The following AXDND1 variants were observed in gnomAD, a reference collection of about 807,000 sequenced individuals.
The protein encoded by AXDND1 is axonemal dynein light chain domain containing 1.
AXDND1 carries 110 observed loss-of-function variants against 137.5 expected under a neutral mutation model. That is an observed-to-expected ratio of 0.80 (90% confidence interval 0.69 to 0.94). The LOEUF (loss-of-function observed/expected upper bound fraction) is 0.94, where lower values mean the gene tolerates loss of function less well. AXDND1 is among the 40% of genes least tolerant of loss of function. The pLI is 0.00. For synonymous variants in AXDND1, 414 were observed against 399.7 expected, an observed-to-expected ratio of 1.04 and a Z score of -0.43; for missense variants, 1,191 against 1,169.8, an observed-to-expected ratio of 1.02 and a Z score of -0.26.
intron 6 of AXDND1, 75 bp from the exon 7 acceptor site, chr1:179,382,625 G>T: frequency 2.0e-6 from 2 of 1,008,392 alleles, no homozygotes; most frequent in Non-Finnish European, 3.1e-6. Flanking sequence ...AAGATTCTGG[G>T]GGTTAGTTGT....
intron 11 of AXDND1, among the ~76,000 whole-genome samples, chr1:179,400,747 C>CAA (rs71111987): frequency 2.0e-5 from 3 of 148,288 alleles, no homozygotes; most frequent in Admixed American, 6.7e-5. Flanking sequence ...ACTGAAAATA[C>CAA]AAAAAAAATT....
intron 1 of AXDND1, 79 bp from the exon 2 acceptor site, chr1:179,366,325 T>TA (rs1667392579): frequency 3.9e-6 from 2 of 510,838 alleles, no homozygotes; most frequent in African/African-American, 3.9e-5. Flanking sequence ...AGATGAATTC[T>TA]AAACTGCGAT....
Position 179,483,205 on chromosome 1 carries a change from T to C in AXDND1, c.2075T>C (p.Ile692Thr), listed in dbSNP as rs775634713. ...GGCAATGAAATTAACAACGGTAACATTGAACTTCAGCACCACGTATGTACT... is the reference window on the plus strand; with the variant it reads ...GGCAATGAAATTAACAACGGTAACACTGAACTTCAGCACCACGTATGTACT... ...KIGNEINNGN[I>T]ELQHHMDELH... The change falls in exon 18 of 26, where the codon ATT (isoleucine) becomes ACT (threonine). Residue 692 changes from isoleucine to threonine, a missense_variant. Coordinates refer to ENST00000367618, the MANE Select transcript of AXDND1 (RefSeq NM_144696.6). 15 of 1,609,212 alleles carry C rather than the reference T, an allele frequency of 9.3e-6. No homozygotes were observed. In the South Asian group the frequency reaches 1.4e-4, roughly 15 times the overall value.
At chr1:179,381,963 T>TTG (rs1428306264) in intron 6 of AXDND1, among the ~76,000 whole-genome samples, 4 of 147,720 alleles carry the variant, frequency 2.7e-5, no homozygotes, top group Non-Finnish European at 6.0e-5. Context: ...TTTTTTTTTT[T>TTG]TTGTATTTTT....
chr1:179,386,146 G>A (rs959633665), intron 9 of AXDND1, among the ~76,000 whole-genome samples: 19 of 146,984 alleles, frequency 1.3e-4, no homozygotes, highest in Non-Finnish European at 2.4e-4. Flanking sequence ...CTGCCTCCAA[G>A]GTTCAAGCAA....
At chr1:179,445,470 CA>C (rs1558189183) in intron 16 of AXDND1, among the ~76,000 whole-genome samples, 1 of 152,002 alleles carries the variant, frequency 6.6e-6, no homozygotes, top group African/African-American at 2.4e-5. Context: ...TTATTTTCAT[CA>C]AAATGAACCT....
chr1:179,373,706 G>C (rs1348479380), intron 4 of AXDND1, among the ~76,000 whole-genome samples: 1 of 152,082 alleles, frequency 6.6e-6, no homozygotes, highest in Non-Finnish European at 1.5e-5. Context: ...TGACAAACCT[G>C]ACAAAAACAA....
intron 12 of AXDND1, among the ~76,000 whole-genome samples, chr1:179,418,107 T>A (rs930909020): frequency 6.6e-6 from 1 of 151,636 alleles, no homozygotes; most frequent in Non-Finnish European, 1.5e-5. Flanking sequence ...AACAAAGGTC[T>A]CTGGTTTTCC....
rs1652852951 is a variant in AXDND1 at position 179,405,708 on chromosome 1, CT to C, written c.1110-5433del. Among the ~76,000 whole-genome samples the C allele has an allele frequency of 4.5e-5, 6 of 133,500 alleles. No individual in the cohort carries two copies. The South Asian group carries it at 1.5e-3, about 34-fold the overall frequency. The allele number at this position is 133,500 out of a possible 152,430, so 87.6% of individuals were successfully genotyped here. On this transcript the variant is annotated intron_variant, in intron 11 of 25. Transcript: ENST00000367618. ...TATTTCAGTGGTATCAGTTATATCT[CT>C]TTTTGTTTGTTTGTTTGTTTCTGAT... is the stretch of plus-strand genomic sequence containing the variant.
intron 11 of AXDND1, among the ~76,000 whole-genome samples, chr1:179,401,198 C>T (rs573316357): frequency 4.5e-5 from 6 of 134,132 alleles, no homozygotes; most frequent in African/African-American, 5.6e-5. Flanking sequence ...GCAGAGATTG[C>T]GGTGAGCTGA....
chr1:179,541,187 A>C (rs1428211151), intron 25 of AXDND1, among the ~76,000 whole-genome samples: 1 of 152,186 alleles, frequency 6.6e-6, no homozygotes, highest in Non-Finnish European at 1.5e-5. Flanking sequence ...CCACGGGAAA[A>C]GCATAGTATT....
chr1:179,392,705 G>A (rs1303673128), intron 9 of AXDND1, among the ~76,000 whole-genome samples: 5 of 152,024 alleles, frequency 3.3e-5, no homozygotes, highest in Non-Finnish European at 5.9e-5. Flanking sequence ...GTTTTAAATT[G>A]CATTTTCTTG....
intron 21 of AXDND1, among the ~76,000 whole-genome samples, chr1:179,521,558 A>G (rs1229966664): frequency 6.6e-6 from 1 of 152,066 alleles, no homozygotes; most frequent in Non-Finnish European, 1.5e-5. Context: ...GCCTTTAGTG[A>G]TTTACCTTTA....
At chr1:179,443,735 CTTTCT>C (rs1345831938) in intron 15 of AXDND1, among the ~76,000 whole-genome samples, 1 of 152,136 alleles carries the variant, frequency 6.6e-6, no homozygotes, top group Non-Finnish European at 1.5e-5. Flanking sequence ...TCAGAATTTT[CTTTCT>C]TTTCAAGGTT....
At chr1:179,463,613 G>A (rs925837693) in intron 16 of AXDND1, among the ~76,000 whole-genome samples, 2 of 152,228 alleles carry the variant, frequency 1.3e-5, no homozygotes, top group African/African-American at 2.4e-5. Flanking sequence ...GGGGTGGAGA[G>A]TTCTGTAGAT....
chr1:179,366,547 C>G lies in AXDND1; in HGVS notation c.38C>G (p.Ser13Cys), dbSNP rs776807443. ...AAAACGCCCTCCACCCCGCTAAACT[C>G]TACATCAACATCTGAGAGCAAAAAG... is the stretch of plus-strand genomic sequence containing the variant. ...LPKTPSTPLNSTSTSESKKLK... is the reference protein window; with the variant it reads ...LPKTPSTPLNCTSTSESKKLK... Residue 13 changes from serine to cysteine, a missense_variant, in exon 2 of 26, where the codon TCT becomes TGT. By Grantham distance (112) the Ser-to-Cys change is moderately radical. Coordinates refer to ENST00000367618, the MANE Select transcript of AXDND1 (RefSeq NM_144696.6). The G allele has an allele frequency of 1.2e-6, 2 of 1,613,770 alleles. No homozygotes were observed. The highest frequency in any genetic ancestry group is 1.7e-6 in the Non-Finnish European group (2 of 1,179,812).
chr1:179,425,593 C>T (rs561628830), intron 12 of AXDND1, among the ~76,000 whole-genome samples: 1 of 152,206 alleles, frequency 6.6e-6, no homozygotes, highest in African/African-American at 2.4e-5. Flanking sequence ...GATGGGGTCT[C>T]CTGCCAAGGA....
At chr1:179,454,036 T>C (rs1012142627) in intron 16 of AXDND1, 1 of 152,204 alleles carries the variant, frequency 6.6e-6, no homozygotes, top group Non-Finnish European at 1.5e-5. Flanking sequence ...TTTAAGTTAA[T>C]GCTGAAATGA....
At chr1:179,542,314 C>T (rs745900234) in intron 25 of AXDND1, among the ~76,000 whole-genome samples, 14 of 152,118 alleles carry the variant, frequency 9.2e-5, no homozygotes, top group East Asian at 1.9e-4. Context: ...ATCTACTTTC[C>T]GTTTTTCTCT....
Sources: gnomAD v4.1 joint callset for allele counts (sites outside exome capture counted in the v4.1 genomes callset) on GRCh38, gnomAD v4.1.1 for gene constraint, MANE v1.5 for transcripts, NCBI Gene and HGNC (gene_info 2026-07-23, HGNC 2026-07-21) for gene names.